The following PCDHGA2 variants were observed in gnomAD, a reference collection of about 807,000 sequenced individuals.
PCDHGA2 encodes protocadherin gamma-A2.
PCDHGA2 carries 40 observed loss-of-function variants against 59.2 expected under a neutral mutation model. The observed-to-expected ratio is 0.68, with a 90% confidence interval of 0.52 to 0.88. The LOEUF (loss-of-function observed/expected upper bound fraction) is 0.88. PCDHGA2 is among the 40% of genes least tolerant of loss of function. The pLI, the probability that PCDHGA2 is intolerant of heterozygous loss-of-function variation, is 0.00. For synonymous variants in PCDHGA2, 560 were observed against 526.0 expected (o/e 1.06, Z -0.89); for missense variants, 1,226 against 1,204.0 (o/e 1.02, Z -0.27).
chr5:141,382,186 T>G (rs896758285), intron 1 of PCDHGA2, among the ~76,000 whole-genome samples: 14 of 152,310 alleles, frequency 9.2e-5, no homozygotes, highest in Admixed American at 5.9e-4. Context: ...TAAGGTTCTA[T>G]ACAATCAAAA....
intron 1 of PCDHGA2, chr5:141,405,463 A>C: frequency 8.5e-7 from 1 of 1,181,354 alleles, no homozygotes. Flanking sequence ...TCTGTTACCC[A>C]GGCTGGAATG....
chr5:141,351,965 G>T lies in PCDHGA2; in HGVS notation c.2424+10570G>T, dbSNP rs779515457. Reference sequence around the variant, plus strand: ...CCCCGCGCTGGGGCCTGATGGCTCCGCCCTCTTCGATATGGTGCCACGCGC... The same window carrying T: ...CCCCGCGCTGGGGCCTGATGGCTCCTCCCTCTTCGATATGGTGCCACGCGC... On this transcript the variant is annotated intron_variant, in intron 1 of 3. Coordinates refer to ENST00000394576, the MANE Select transcript of PCDHGA2 (RefSeq NM_018915.4). The T allele has an allele frequency of 4.3e-6, 7 of 1,612,548 alleles. No homozygotes were observed. The East Asian group carries it at 8.9e-5, about 21-fold the overall frequency.
chr5:141,354,085 T>C (rs1026481985), intron 1 of PCDHGA2, among the ~76,000 whole-genome samples: 1 of 152,246 alleles, frequency 6.6e-6, no homozygotes, highest in South Asian at 2.1e-4. Flanking sequence ...CATTTCCTTT[T>C]ACTGGCTATT....
chr5:141,366,679 G>C (rs1414514905), intron 1 of PCDHGA2: 2 of 1,614,156 alleles, frequency 1.2e-6, no homozygotes, highest in Non-Finnish European at 1.7e-6. Flanking sequence ...TTAGTGAAGA[G>C]AGCTGTGAGA....
At chr5:141,429,037 G>A (rs1404164429) in intron 1 of PCDHGA2, 1 of 152,054 alleles carries the variant, frequency 6.6e-6, no homozygotes, top group African/African-American at 2.4e-5. Flanking sequence ...TGCATTTTTA[G>A]TACAGACGGG....
chr5:141,342,173 A>G (rs1287972648), intron 1 of PCDHGA2: 1 of 152,126 alleles, frequency 6.6e-6, no homozygotes, highest in African/African-American at 2.4e-5. Flanking sequence ...AATAATATAT[A>G]TCCTCAATAT....
intron 1 of PCDHGA2, among the ~76,000 whole-genome samples, chr5:141,363,225 C>A (rs1260243395): frequency 2.0e-5 from 3 of 152,330 alleles, no homozygotes; most frequent in African/African-American, 7.2e-5. Context: ...ATCTTACAAC[C>A]TATGTTCACA....
intron 1 of PCDHGA2, among the ~76,000 whole-genome samples, chr5:141,380,761 A>G (rs952416806): frequency 6.6e-6 from 1 of 152,224 alleles, no homozygotes; most frequent in African/African-American, 2.4e-5. Flanking sequence ...GACACTATAA[A>G]TTAATTGAGA....
Position 141,359,430 on chromosome 5 carries a change from C to A in PCDHGA2, c.2424+18035C>A, listed in dbSNP as rs374091211. On this transcript the variant is annotated intron_variant, in intron 1 of 3. Coordinates refer to ENST00000394576, the MANE Select transcript of PCDHGA2 (RefSeq NM_018915.4). Reference sequence around the variant, plus strand: ...AAAAATGTGTTTTTGTTAGAATGGGCAGTGGGTTTCTTTTAGCAAATAACA... The same window carrying A: ...AAAAATGTGTTTTTGTTAGAATGGGAAGTGGGTTTCTTTTAGCAAATAACA... 2.0e-5 allele frequency among the ~76,000 whole-genome samples: 3 copies of A among 151,344 alleles called. No individual in the cohort carries two copies. The East Asian group carries it at 5.8e-4, about 29-fold the overall frequency.
intron 1 of PCDHGA2, chr5:141,355,260 G>A (rs781255825): frequency 2.5e-6 from 4 of 1,613,544 alleles, no homozygotes; most frequent in Admixed American, 3.3e-5. Flanking sequence ...GCCTTCTCCT[G>A]GGGGTTCTGG....
At chr5:141,365,002 C>G (rs779500238) in intron 1 of PCDHGA2, 2 of 1,613,800 alleles carry the variant, frequency 1.2e-6, no homozygotes, top group African/African-American at 2.7e-5. Flanking sequence ...TACTCTCCGG[C>G]ACCACGCACA....
At chr5:141,372,615 C>T (rs1244865693) in intron 1 of PCDHGA2, 1 of 1,613,968 alleles carries the variant, frequency 6.2e-7, no homozygotes, top group South Asian at 1.1e-5. Context: ...TGGAGTTCTC[C>T]CCACCTACAG....
intron 1 of PCDHGA2, among the ~76,000 whole-genome samples, chr5:141,405,825 A>G (rs184785482): frequency 1.1e-3 from 172 of 152,272 alleles, no homozygotes; most frequent in Non-Finnish European, 1.9e-3. Context: ...TCTGTACTTA[A>G]GGTAGTATAA....
At chr5:141,482,936 G>T (rs2099574800) in intron 1 of PCDHGA2, among the ~76,000 whole-genome samples, 1 of 152,050 alleles carries the variant, frequency 6.6e-6, no homozygotes, top group Admixed American at 6.5e-5. Context: ...AGCCAGGTGT[G>T]GTTGTGGGTG....
rs2092149511 is a variant in PCDHGA2 at position 141,390,449 on chromosome 5, G to A, written c.2424+49054G>A. The A allele has an allele frequency of 4.8e-6, 4 of 829,790 alleles. No individual in the cohort carries two copies. In the Admixed American group the frequency reaches 8.7e-5, roughly 18 times the overall value. 51.4% of individuals were successfully genotyped at this position (829,790 alleles called of 1,614,324 possible). ...TGTCATATCATTCTACAAAGGAGGAGTAAAGTAGGAGCAATTGTGTGGCCC... is the reference window on the plus strand; with the variant it reads ...TGTCATATCATTCTACAAAGGAGGAATAAAGTAGGAGCAATTGTGTGGCCC... On this transcript the variant is annotated intron_variant, in intron 1 of 3. Coordinates refer to ENST00000394576, the MANE Select transcript of PCDHGA2 (RefSeq NM_018915.4).
At chr5:141,405,881 T>C (rs998587989) in intron 1 of PCDHGA2, among the ~76,000 whole-genome samples, 4 of 152,210 alleles carry the variant, frequency 2.6e-5, no homozygotes, top group Admixed American at 2.6e-4. Flanking sequence ...GGCCTAATTG[T>C]TGCTCCAACA....
intron 1 of PCDHGA2, chr5:141,418,002 G>A: frequency 1.9e-6 from 3 of 1,613,916 alleles, no homozygotes; most frequent in Non-Finnish European, 2.5e-6. Flanking sequence ...TCGGTGGTGG[G>A]GAACCTCGCT....
At chr5:141,457,878 C>A (rs1263626843) in intron 1 of PCDHGA2, among the ~76,000 whole-genome samples, 1 of 152,190 alleles carries the variant, frequency 6.6e-6, no homozygotes, top group East Asian at 1.9e-4. Context: ...GGTTAGGAAC[C>A]CTGTGTGGGG....
chr5:141,414,776 T>G (rs766689016), intron 1 of PCDHGA2: 14 of 1,614,212 alleles, frequency 8.7e-6, no homozygotes, highest in Non-Finnish European at 1.1e-5. Context: ...GAGCTACAGA[T>G]GCAGGTGACA....
Sources: gnomAD v4.1 joint callset for allele counts (sites outside exome capture counted in the v4.1 genomes callset) on GRCh38, gnomAD v4.1.1 for gene constraint, MANE v1.5 for transcripts, NCBI Gene and HGNC (gene_info 2026-07-23, HGNC 2026-07-21) for gene names.